Variants in CFAP97 observed in about 807,000 individuals in gnomAD.
CFAP97 encodes cilia and flagella associated protein 97.
CFAP97 carries 36 observed loss-of-function variants against 43.1 expected under a neutral mutation model. The observed-to-expected ratio is 0.84, with a 90% CI of 0.64 to 1.10. The LOEUF (loss-of-function observed/expected upper bound fraction) is 1.10, where lower values mean the gene tolerates loss of function less well. CFAP97 is among the 50% of genes least tolerant of loss of function. The pLI is 0.00. For synonymous variants in CFAP97, 228 were observed against 225.7 expected, an observed-to-expected ratio of 1.01 and a Z score of -0.09; for missense variants, 657 against 620.3, an observed-to-expected ratio of 1.06 and a Z score of -0.63.
In CFAP97 at chr4:185,185,202, T is replaced by C. The variant is rs545472989; in HGVS notation, c.1054+4941A>G. Among the ~76,000 whole-genome samples, 613 of 152,254 alleles carry C rather than the reference T, an allele frequency of 4.0e-3. 7 individuals carry two copies. The highest frequency in any genetic ancestry group is 0.014 in the African/African-American group (565 of 41,544). The stretch of plus-strand genomic sequence containing the variant: ...AGAAATGAGTGCTGGCAGTGAGCTG[T>C]ACTTTTTTTTTTCTGAACAGGAAAT... On this transcript the variant is annotated intron_variant, in intron 2 of 4. Coordinates refer to ENST00000458385, the MANE Select transcript of CFAP97 (RefSeq NM_020827.3).
intron 2 of CFAP97, among the ~76,000 whole-genome samples, chr4:185,188,374 G>T (rs897633074): frequency 6.7e-6 from 1 of 148,724 alleles, no homozygotes; most frequent in Non-Finnish European, 1.5e-5. Flanking sequence ...TGGGAGTCTC[G>T]CTCTGTCATC....
intron 2 of CFAP97, among the ~76,000 whole-genome samples, chr4:185,178,998 A>T (rs865892107): frequency 4.6e-5 from 7 of 152,304 alleles, no homozygotes; most frequent in African/African-American, 1.7e-4. Flanking sequence ...GAGGGGCGCT[A>T]AAAAAATCAT....
At chr4:185,170,781 T>G (rs1051453735) in intron 3 of CFAP97, among the ~76,000 whole-genome samples, 4 of 151,166 alleles carry the variant, frequency 2.6e-5, no homozygotes, top group African/African-American at 9.7e-5. Flanking sequence ...GGTCAGGAGT[T>G]TGAGACCAGC....
chr4:185,184,107 T>G (rs1287715645), intron 2 of CFAP97, among the ~76,000 whole-genome samples: 1 of 152,192 alleles, frequency 6.6e-6, no homozygotes, highest in African/African-American at 2.4e-5. Flanking sequence ...AGTGTCTTGA[T>G]ATTCAGACCA....
upstream of CFAP97, among the ~76,000 whole-genome samples, chr4:185,207,250 G>T (rs1405739961): frequency 8.6e-6 from 1 of 116,212 alleles, no homozygotes; most frequent in East Asian, 2.6e-4. Context: ...ACGGAGTCTC[G>T]CTGTCGCCCA....
At chr4:185,180,352 T>A (rs1735734355) in intron 2 of CFAP97, among the ~76,000 whole-genome samples, 1 of 152,144 alleles carries the variant, frequency 6.6e-6, no homozygotes, top group African/African-American at 2.4e-5. Context: ...TGTGTAACCA[T>A]CACCACCACC....
chr4:185,164,603 CT>C (rs1372146705), intron 3 of CFAP97, among the ~76,000 whole-genome samples: 3 of 152,114 alleles, frequency 2.0e-5, no homozygotes, highest in Non-Finnish European at 4.4e-5. Context: ...AAGCCCCTTC[CT>C]CATCTCTCTT....
intron 1 of CFAP97, among the ~76,000 whole-genome samples, chr4:185,199,827 T>C (rs1462327953): frequency 1.8e-5 from 2 of 113,316 alleles, no homozygotes; most frequent in African/African-American, 5.9e-5. Context: ...GATCGACTGC[T>C]CAGACAAAAA....
chr4:185,209,720 G>T, upstream of CFAP97: 1 of 984,054 alleles, frequency 1.0e-6, no homozygotes, highest in Non-Finnish European at 1.2e-6. The surrounding 1 kb of genome is among the most constrained non-coding windows in gnomAD (Gnocchi z 5.2). Flanking sequence ...CCGCTCCCTC[G>T]GTGGGCCGCG....
intron 2 of CFAP97, 98 bp from the exon 3 acceptor site, chr4:185,176,149 GT>G: frequency 9.0e-7 from 1 of 1,107,194 alleles, no homozygotes; most frequent in Non-Finnish European, 1.2e-6. Flanking sequence ...TTTCACTCTT[GT>G]TACCCAGACT....
At chr4:185,197,255 C>A (rs1337599450) in intron 1 of CFAP97, among the ~76,000 whole-genome samples, 1 of 151,560 alleles carries the variant, frequency 6.6e-6, no homozygotes, top group African/African-American at 2.4e-5. Context: ...TTAAACATAA[C>A]AAAAGAGTAA....
chr4:185,202,793 T>C (rs1736936325), intron 1 of CFAP97, among the ~76,000 whole-genome samples: 1 of 152,178 alleles, frequency 6.6e-6, no homozygotes, highest in Non-Finnish European at 1.5e-5. Context: ...TAGTTAATAA[T>C]ATCCAACAGA....
intron 2 of CFAP97, among the ~76,000 whole-genome samples, chr4:185,187,095 T>C (rs1736034162): frequency 6.6e-6 from 1 of 152,192 alleles, no homozygotes; most frequent in African/African-American, 2.4e-5. Flanking sequence ...CCCAGATGGC[T>C]TGATTAAAAA....
At chr4:185,182,309 G>A (rs529042200) in intron 2 of CFAP97, 7 of 151,832 alleles carry the variant, frequency 4.6e-5, no homozygotes, top group African/African-American at 7.2e-5. Flanking sequence ...GGGATTTACA[G>A]GTCAAGATGA....
chr4:185,161,877 T>TA lies in CFAP97; in HGVS notation c.*920dup, dbSNP rs1158046690. ...TTTCTAAAGCATTTCTTTCTTACGC[T>TA]AAGTCTTCTCTAATAACATAATAAA... On this transcript the variant is annotated 3_prime_UTR_variant, in exon 5 of 5. Transcript: ENST00000458385. The TA allele has an allele frequency of 9.9e-5, 15 of 152,232 alleles. No homozygotes were observed. The highest frequency in any genetic ancestry group is 1.9e-4 in the Non-Finnish European group (13 of 68,044). 9.4% of individuals were successfully genotyped at this position (152,232 alleles called of 1,614,324 possible).
At position 185,190,997 on chromosome 4, in the gene CFAP97, T is replaced by C; in HGVS notation, c.200A>G (p.Lys67Arg). The C allele has an allele frequency of 6.2e-7, 1 of 1,613,716 alleles. No individual in the cohort carries two copies. Among genetic ancestry groups the C allele is most frequent in the Non-Finnish European group, 8.5e-7 (1 of 1,179,698 alleles). ...MQTTENYLTE[K>R]GNERNVKFPP... ...AAATTTCACGTTTCTTTCATTTCCC[T>C]TCTCAGTAAGATAATTTTCTGTTGT... The change falls in exon 2 of 5, where the codon AAG (lysine) becomes AGG (arginine). Residue 67 changes from lysine to arginine, a missense_variant. By Grantham distance (26) the Lys-to-Arg change is conservative (BLOSUM62 2). Transcript: ENST00000458385.
rs1736786026 is a variant in CFAP97 at position 185,200,810 on chromosome 4, C to T, written c.-17+3088G>A. Among the ~76,000 whole-genome samples, 3 of 152,174 alleles carry T rather than the reference C, an allele frequency of 2.0e-5. No homozygotes were observed. The South Asian group carries it at 6.2e-4, about 32-fold the overall frequency. ...AAAAAAAAGAAAAAATAAGTGGTGC[C>T]TCAAGATGTAACTGAATTGCTGCAA... On this transcript the variant is annotated intron_variant, in intron 1 of 4. Transcript: ENST00000458385.
chr4:185,201,251 A>T (rs1736810700), intron 1 of CFAP97, among the ~76,000 whole-genome samples: 1 of 150,002 alleles, frequency 6.7e-6, no homozygotes, highest in Non-Finnish European at 1.5e-5. Context: ...TCTTGAACCC[A>T]GGAAGCGGAG....
chr4:185,178,591 G>C (rs1457844081), intron 2 of CFAP97, among the ~76,000 whole-genome samples: 1 of 152,050 alleles, frequency 6.6e-6, no homozygotes, highest in East Asian at 1.9e-4. Flanking sequence ...AATTTTCTAG[G>C]ATGATGGAAA....
Sources: allele counts gnomAD v4.1 joint callset (sites outside exome capture counted in the v4.1 genomes callset), GRCh38; gene constraint gnomAD v4.1.1; non-coding constraint Gnocchi (gnomAD v3.1); transcripts MANE v1.5; gene names NCBI Gene and HGNC (gene_info 2026-07-23, HGNC 2026-07-21).